Variants in INSR observed in about 807,000 individuals in gnomAD.
INSR encodes the protein IR.
INSR carries 67 observed loss-of-function variants against 142.6 expected under a neutral mutation model. The observed-to-expected ratio is 0.47, with a 90% confidence interval of 0.39 to 0.58. INSR has a LOEUF of 0.58. INSR is among the 20% of genes least tolerant of loss of function. The probability of loss-of-function intolerance (pLI) is 0.00; values close to 1 mark genes in which losing one functional copy is unlikely to be tolerated. For synonymous variants in INSR, 756 were observed against 743.1 expected (o/e 1.02, Z -0.28); for missense variants, 1,248 against 1,833.2 (o/e 0.68, Z 5.83).
intron 3 of INSR, among the ~76,000 whole-genome samples, chr19:7,181,928 G>C (rs74255744): frequency 0.017 from 2,515 of 151,966 alleles, 71 homozygotes; most frequent in African/African-American, 0.05. Flanking sequence ...AAAACATCAA[G>C]AACTCCTTCC....
intron 3 of INSR, among the ~76,000 whole-genome samples, chr19:7,181,977 A>G (rs563478063): frequency 2.0e-5 from 3 of 152,196 alleles, no homozygotes; most frequent in Admixed American, 6.5e-5. Context: ...ATCTGGCCCT[A>G]TTTGATATCA....
At chr19:7,219,360 T>C (rs529492027) in intron 2 of INSR, among the ~76,000 whole-genome samples, 1 of 152,216 alleles carries the variant, frequency 6.6e-6, no homozygotes, top group Admixed American at 6.5e-5. Context: ...TGCAGCTCTT[T>C]GGGCTTCACA....
chr19:7,143,790 C>G (rs1447303605), intron 11 of INSR, among the ~76,000 whole-genome samples: 2 of 152,170 alleles, frequency 1.3e-5, no homozygotes, highest in Non-Finnish European at 2.9e-5. Context: ...CGAGGTGGCT[C>G]ATGCCTATAA....
chr19:7,153,014 C>T lies in INSR; in HGVS notation c.2030-87G>A, dbSNP rs1486215544. 12 of 490,314 alleles carry T rather than the reference C, an allele frequency of 2.4e-5. No individual in the cohort carries two copies. In the African/African-American group the frequency reaches 5.7e-4, roughly 23 times the overall value. The allele number at this position is 490,314 out of a possible 1,614,324, so 30.4% of individuals were successfully genotyped here. A position where few individuals can be genotyped will look rare whatever the true frequency, so the allele number is the denominator to read the frequency against. Reference sequence around the variant, plus strand: ...ACACACACCCCACACACACACACACCACACACACACACCACACACACACAC... The same window carrying T: ...ACACACACCCCACACACACACACACTACACACACACACCACACACACACAC... On this transcript the variant is annotated intron_variant, in intron 9 of 21. Transcript: ENST00000302850.
chr19:7,184,523 C>G lies in INSR; in HGVS notation c.767G>C (p.Arg256Pro). 2 of 1,613,928 alleles carry G rather than the reference C, an allele frequency of 1.2e-6. No homozygotes were observed. The highest frequency in any genetic ancestry group is 1.7e-6 in the Non-Finnish European group (2 of 1,179,994). The stretch of plus-strand genomic sequence containing the variant: ...ACACCTGCCGTCCAGGTAGAAGTTG[C>G]GGCAGGCCACGCACTTGGTGGGGTC... ...PDDPTKCVAC[R>P]NFYLDGRCVE... is the part of the protein sequence containing the mutation. The change falls in exon 3 of 22, where the codon CGC becomes CCC. Residue 256 changes from arginine to proline, a missense_variant. This residue lies in a region of INSR where 1,069 missense variants were observed against 1,654.0 expected (regional missense o/e 0.65). Coordinates refer to ENST00000302850, the MANE Select transcript of INSR (RefSeq NM_000208.4).
chr19:7,278,606 C>G (rs1052559633), intron 1 of INSR, among the ~76,000 whole-genome samples: 1 of 152,248 alleles, frequency 6.6e-6, no homozygotes, highest in African/African-American at 2.4e-5. Context: ...CGCCTGTAAT[C>G]CCAGCACTTT....
chr19:7,160,855 G>A lies in INSR; in HGVS notation c.2029+2177C>T, dbSNP rs948875837. Among the ~76,000 whole-genome samples, 11 of 151,612 alleles carry A rather than the reference G, an allele frequency of 7.3e-5. 1 individual carries two copies. The highest frequency in any genetic ancestry group is 4.2e-4 in the South Asian group (2 of 4,776). On this transcript the variant is annotated intron_variant, in intron 9 of 21. Transcript: ENST00000302850. Reference sequence around the variant, plus strand: ...TCTACTAAAAATACAAAAATTAGCCGGTGTAGTGGCAGCACCTGTAATCCC... The same window carrying A: ...TCTACTAAAAATACAAAAATTAGCCAGTGTAGTGGCAGCACCTGTAATCCC...
chr19:7,229,332 A>ATAGATGGATGGATGGATGGATG (rs1568204425), intron 2 of INSR, among the ~76,000 whole-genome samples: 10 of 81,900 alleles, frequency 1.2e-4, no homozygotes, highest in African/African-American at 4.0e-4. Context: ...ATGGATGGAT[A>ATAGATGGATGGATGGATGGATG]GATGGATGGA....
chr19:7,188,707 C>A (rs1033342813), intron 2 of INSR, among the ~76,000 whole-genome samples: 2 of 151,976 alleles, frequency 1.3e-5, no homozygotes, highest in African/African-American at 4.8e-5. Context: ...AAACCCGTCT[C>A]TACTAAAAAT....
chr19:7,226,059 G>A (rs1273085706), intron 2 of INSR, among the ~76,000 whole-genome samples: 3 of 152,176 alleles, frequency 2.0e-5, no homozygotes, highest in Non-Finnish European at 4.4e-5. Context: ...AAGGTTAGGG[G>A]GAAGTCTCAT....
chr19:7,251,082 C>T (rs28456272), intron 2 of INSR, among the ~76,000 whole-genome samples: 5,641 of 152,052 alleles, frequency 0.037, 173 homozygotes, highest in Middle Eastern at 0.058. Flanking sequence ...CATTGCAGGA[C>T]GTTGAACGGC....
chr19:7,288,411 G>C (rs576479369), intron 1 of INSR, among the ~76,000 whole-genome samples: 3 of 152,140 alleles, frequency 2.0e-5, no homozygotes, highest in East Asian at 3.9e-4. Context: ...GCCAAGGCAG[G>C]AGGCTCACTT....
At chr19:7,293,027 A>C (rs1968538108) in intron 1 of INSR, among the ~76,000 whole-genome samples, 1 of 152,162 alleles carries the variant, frequency 6.6e-6, no homozygotes, top group Non-Finnish European at 1.5e-5. Flanking sequence ...CATGAGCCTC[A>C]GTTTACTCCT....
chr19:7,118,574 C>G (rs1337381774), intron 21 of INSR, among the ~76,000 whole-genome samples: 1 of 151,894 alleles, frequency 6.6e-6, no homozygotes, highest in Non-Finnish European at 1.5e-5. Flanking sequence ...ACCTCGGTCT[C>G]CCAAATTGCT....
At chr19:7,134,124 A>C (rs1337397160) in intron 13 of INSR, among the ~76,000 whole-genome samples, 3 of 151,998 alleles carry the variant, frequency 2.0e-5, no homozygotes, top group African/African-American at 7.2e-5. Flanking sequence ...GCTTGTAGTG[A>C]GCCGAGATCG....
At chr19:7,224,049 C>T (rs976738716) in intron 2 of INSR, among the ~76,000 whole-genome samples, 16 of 151,784 alleles carry the variant, frequency 1.1e-4, no homozygotes, top group Non-Finnish European at 2.4e-4. Context: ...GGGTTCAAGC[C>T]GTTCTCCCAC....
At chr19:7,121,721 G>C (rs1972496659) in intron 19 of INSR, among the ~76,000 whole-genome samples, 1 of 152,174 alleles carries the variant, frequency 6.6e-6, no homozygotes, top group African/African-American at 2.4e-5. Context: ...TTACACATTG[G>C]ACTTCCAAAG....
intron 2 of INSR, among the ~76,000 whole-genome samples, chr19:7,191,822 C>G (rs1974595744): frequency 6.9e-6 from 1 of 145,420 alleles, no homozygotes; most frequent in East Asian, 2.0e-4. Context: ...AAGCAAGACC[C>G]TATCTTTAAA....
chr19:7,210,240 GA>G (rs957842217), intron 2 of INSR, among the ~76,000 whole-genome samples: 6 of 151,652 alleles, frequency 4.0e-5, no homozygotes, highest in Non-Finnish European at 8.8e-5. Context: ...AGTTGCTCGG[GA>G]AGCTGAGGCA....
Sources: allele counts gnomAD v4.1 joint callset (sites outside exome capture counted in the v4.1 genomes callset), GRCh38; gene constraint gnomAD v4.1.1; regional missense constraint gnomAD v4.1.1; transcripts MANE v1.5; gene names NCBI Gene and HGNC (gene_info 2026-07-23, HGNC 2026-07-21).